The following SUCLG2 variants were observed in gnomAD, a reference collection of about 807,000 sequenced individuals.
SUCLG2 encodes succinate-CoA ligase GDP-forming subunit beta, also known as succinate--CoA ligase [GDP-forming] subunit beta, mitochondrial.
A neutral mutation model predicts 47.9 loss-of-function variants in SUCLG2; 42 were observed. The observed-to-expected ratio is 0.88, with a 90% CI of 0.69 to 1.14. SUCLG2 has a LOEUF of 1.14. Ranked by LOEUF, SUCLG2 falls within the 50% of genes most tolerant of loss-of-function variation. The pLI is 0.00. For missense variants in SUCLG2, 571 were observed against 525.9 expected (o/e 1.09, Z -0.84); for synonymous variants, 195 against 197.3 (o/e 0.99, Z 0.10).
At chr3:67,543,471 A>C (rs1706773346) in intron 2 of SUCLG2, among the ~76,000 whole-genome samples, 1 of 152,062 alleles carries the variant, frequency 6.6e-6, no homozygotes, top group Non-Finnish European at 1.5e-5. Context: ...GTTCGAGACA[A>C]GCCTGGGCAA....
intron 9 of SUCLG2, among the ~76,000 whole-genome samples, chr3:67,423,449 T>C (rs1703221511): frequency 6.6e-6 from 1 of 152,228 alleles, no homozygotes; most frequent in African/African-American, 2.4e-5. Context: ...AATGCATGTT[T>C]GTAATGTTTC....
intron 2 of SUCLG2, among the ~76,000 whole-genome samples, chr3:67,539,529 T>G (rs918686243): frequency 3.3e-5 from 5 of 152,138 alleles, no homozygotes; most frequent in African/African-American, 1.2e-4. Flanking sequence ...TCTTTTTTTG[T>G]TGTGTCTCTG....
intron 9 of SUCLG2, among the ~76,000 whole-genome samples, chr3:67,434,077 C>A (rs1052035578): frequency 1.3e-5 from 2 of 152,160 alleles, no homozygotes; most frequent in African/African-American, 4.8e-5. Flanking sequence ...GATCTTGCAA[C>A]CCCAAATCAC....
At chr3:67,365,600 T>C (rs770241222) in intron 10 of SUCLG2, among the ~76,000 whole-genome samples, 12 of 152,218 alleles carry the variant, frequency 7.9e-5, no homozygotes, top group Non-Finnish European at 1.6e-4. Context: ...AAGAAATATT[T>C]GGATTAACAG....
chr3:67,381,866 T>C (rs1443406158), intron 10 of SUCLG2, among the ~76,000 whole-genome samples: 2 of 152,188 alleles, frequency 1.3e-5, no homozygotes, highest in Non-Finnish European at 2.9e-5. Flanking sequence ...TTTCTGCCAC[T>C]GGGTGGAGTA....
intron 9 of SUCLG2, among the ~76,000 whole-genome samples, chr3:67,447,781 G>A (rs1009010378): frequency 6.6e-6 from 1 of 152,216 alleles, no homozygotes; most frequent in Admixed American, 6.5e-5. Flanking sequence ...CCAGGATGGA[G>A]TGCAGTGGTG....
intron 1 of SUCLG2, among the ~76,000 whole-genome samples, chr3:67,649,829 G>A (rs890258785): frequency 6.6e-6 from 1 of 152,166 alleles, no homozygotes; most frequent in African/African-American, 2.4e-5. Context: ...ACAGCTGAAG[G>A]ACAAATGATC....
chr3:67,614,653 G>C (rs1472388770), intron 1 of SUCLG2, among the ~76,000 whole-genome samples: 1 of 152,058 alleles, frequency 6.6e-6, no homozygotes, highest in Non-Finnish European at 1.5e-5. Flanking sequence ...GGGAATGGCA[G>C]TGATCCACTT....
chr3:67,547,539 C>T (rs1049420402), intron 2 of SUCLG2, among the ~76,000 whole-genome samples: 1 of 152,144 alleles, frequency 6.6e-6, no homozygotes, highest in African/African-American at 2.4e-5. Context: ...GACCCTTTCT[C>T]ATTGCCTCCC....
rs1346008222 is a variant in SUCLG2, at chr3:67,446,221, C to T, written c.1063-45370G>A. 5.3e-5 allele frequency among the ~76,000 whole-genome samples: 3 copies of T among 56,462 alleles called. 1 individual carries two copies. Among genetic ancestry groups the T allele is most frequent in the Non-Finnish European group, 1.1e-4 (3 of 26,206 alleles). 37.0% of individuals were successfully genotyped at this position (56,462 alleles called of 152,430 possible). A position where few individuals can be genotyped will look rare whatever the true frequency, so the allele number is the denominator to read the frequency against. On this transcript the variant is annotated intron_variant, in intron 9 of 10. Transcript: ENST00000307227. ...ATAAGCTTCCCAGGTGATGTCAATG[C>T]GCAGCTGGATTTGGAAGTGAATGCC...
At position 67,428,895 on chromosome 3, in the gene SUCLG2, T is replaced by C. The variant is rs987164943; in HGVS notation, c.1063-28044A>G. On this transcript the variant is annotated intron_variant, in intron 9 of 10. Transcript: ENST00000307227. Reference sequence around the variant, plus strand: ...ATGAAATGAAGCGAGAAGAGAAGTTTAGAGAAAAAAGAGTAAAAAGAAATG... The same window carrying C: ...ATGAAATGAAGCGAGAAGAGAAGTTCAGAGAAAAAAGAGTAAAAAGAAATG... Among the ~76,000 whole-genome samples, 4 of 151,970 alleles carry C rather than the reference T, an allele frequency of 2.6e-5. No homozygotes were observed. In the South Asian group the frequency reaches 6.2e-4, roughly 24 times the overall value.
chr3:67,360,583 T>C, exon 11 of SUCLG2: 1 of 1,450,314 alleles, frequency 6.9e-7, no homozygotes, highest in Non-Finnish European at 9.1e-7. Flanking sequence ...TGATATTCAT[T>C]AATTTGGAAA....
At chr3:67,604,965 A>ATTAAATTAATAACTATCC (rs1700376487) in intron 2 of SUCLG2, among the ~76,000 whole-genome samples, 1 of 152,232 alleles carries the variant, frequency 6.6e-6, no homozygotes. Context: ...CTCCTAACAC[A>ATTAAATTAATAACTATCC]TGATTAACAG....
intron 9 of SUCLG2, among the ~76,000 whole-genome samples, chr3:67,419,784 C>G (rs1575683091): frequency 6.6e-6 from 1 of 152,110 alleles, no homozygotes; most frequent in East Asian, 1.9e-4. Context: ...GGACAATAAA[C>G]AAGCAGGAAA....
chr3:67,462,805 C>T (rs760714454), intron 9 of SUCLG2, among the ~76,000 whole-genome samples: 2 of 152,134 alleles, frequency 1.3e-5, no homozygotes, highest in Non-Finnish European at 2.9e-5. Flanking sequence ...GGAAGTGAGG[C>T]GTGGTTTTGT....
intron 1 of SUCLG2, among the ~76,000 whole-genome samples, chr3:67,628,238 TCACTTGTTTTGTTCACTGATGAGTGC>T: frequency 6.6e-6 from 1 of 152,306 alleles, no homozygotes; most frequent in Non-Finnish European, 1.5e-5. Flanking sequence ...CACAGGGCAA[TCACTTGTTTTGTTCACTGATGAGTGC>T]CCCGTGCCCA....
intron 9 of SUCLG2, among the ~76,000 whole-genome samples, chr3:67,408,365 C>G (rs184809978): frequency 6.6e-6 from 1 of 152,286 alleles, no homozygotes; most frequent in Non-Finnish European, 1.5e-5. Context: ...AGTGAGTCCA[C>G]GATCCTGCCT....
At chr3:67,458,124 C>A (rs906182137) in intron 9 of SUCLG2, among the ~76,000 whole-genome samples, 2 of 152,116 alleles carry the variant, frequency 1.3e-5, no homozygotes, top group Non-Finnish European at 2.9e-5. Flanking sequence ...GGAAGAGGCC[C>A]GCCTTCCCAG....
rs1246940058 is a variant in SUCLG2 at position 67,375,443 on chromosome 3, T to C, written c.*301A>G. 2 of 1,047,700 alleles carry C rather than the reference T, an allele frequency of 1.9e-6. No homozygotes were observed. The highest frequency in any genetic ancestry group is 7.3e-5 in the East Asian group (1 of 13,610). 64.9% of individuals were successfully genotyped at this position (1,047,700 alleles called of 1,614,324 possible). On this transcript the variant is annotated 3_prime_UTR_variant, in exon 11 of 11. Coordinates refer to ENST00000307227, the MANE Select transcript of SUCLG2 (RefSeq NM_003848.4). ...AGGACTTGATTTCAAATTCTGTCTA[T>C]ACACACAATATTTGGCCACATAGAC...
Sources: allele counts gnomAD v4.1 joint callset (sites outside exome capture counted in the v4.1 genomes callset), GRCh38; gene constraint gnomAD v4.1.1; transcripts MANE v1.5; gene names NCBI Gene and HGNC (gene_info 2026-07-23, HGNC 2026-07-21).